The following ABCA1 variants were observed in gnomAD, a reference collection of about 807,000 sequenced individuals.
ABCA1 encodes phospholipid-transporting ATPase ABCA1.
In ABCA1, 133 loss-of-function variants were observed where a neutral mutation model predicts 262.5. The ratio of observed to expected loss-of-function variants is 0.51; its 90% CI spans 0.44 to 0.59. The LOEUF is 0.59. Ranked by LOEUF, ABCA1 falls within the 20% of genes least tolerant of loss-of-function variation. ABCA1 has a pLI of 0.00. For missense variants in ABCA1, 2,452 were observed against 2,777.5 expected (o/e 0.88, Z 2.63); for synonymous variants, 1,022 against 1,043.5 (o/e 0.98, Z 0.40).
chr9:104,830,797 G>T, intron 14 of ABCA1, 128 bp downstream of exon 14: 3 of 1,081,094 alleles, frequency 2.8e-6, no homozygotes, highest in Non-Finnish European at 4.3e-6. Context: ...GGCTGCAACT[G>T]TTGACAACTT....
chr9:104,879,135 C>T (rs538088437), intron 5 of ABCA1, among the ~76,000 whole-genome samples: 5 of 152,110 alleles, frequency 3.3e-5, no homozygotes, highest in African/African-American at 9.6e-5. Context: ...AGGCAGTCTC[C>T]TCCACTAAGA....
At chr9:104,818,093 T>C (rs1286901688) in intron 23 of ABCA1, among the ~76,000 whole-genome samples, 1 of 152,020 alleles carries the variant, frequency 6.6e-6, no homozygotes, top group Non-Finnish European at 1.5e-5. Flanking sequence ...CAAGCCTCAC[T>C]TCCCTCATCT....
At position 104,830,981 on chromosome 9, in the gene ABCA1, C is replaced by G. The variant is rs948751837; in HGVS notation, c.1836G>C (p.Glu612Asp). Reference protein sequence around the residue: ...QAIIRVLTGTEKKTGVYMQQM... With the variant: ...QAIIRVLTGTDKKTGVYMQQM... The stretch of plus-strand genomic sequence containing the variant: ...GTTGCATATAGACACCAGTTTTCTT[C>G]TCGGTGCCCGTCAGCACCCTGATGA... Residue 612 changes from glutamate (E) to aspartate (D), a missense_variant, in exon 14 of 50, where the codon GAG (glutamate) becomes GAC (aspartate). By Grantham distance (45) the Glu-to-Asp change is conservative. This residue lies in a region of ABCA1 where 1,032 missense variants were observed against 1,089.7 expected (regional missense o/e 0.95). Transcript: ENST00000374736. 6.2e-7 allele frequency: 1 copy of G among 1,613,814 alleles called. No individual in the cohort carries two copies.
At chr9:104,793,456 G>C (rs961387854) in intron 40 of ABCA1, among the ~76,000 whole-genome samples, 156 bp from the exon 41 acceptor site, 3 of 151,912 alleles carry the variant, frequency 2.0e-5, no homozygotes, top group African/African-American at 7.3e-5. Flanking sequence ...ACAAGAGAGT[G>C]ATCACTTTCC....
Position 104,812,304 on chromosome 9 carries a change from T to C in ABCA1, c.4050+270A>G, listed in dbSNP as rs191176170. Among the ~76,000 whole-genome samples the C allele has an allele frequency of 3.3e-3, 505 of 152,334 alleles. 6 individuals carry two copies. Among genetic ancestry groups the C allele is most frequent in the Middle Eastern group, 6.8e-3 (2 of 294 alleles). ...AAGCACTTACTAATGTCAGGCCCCATTCTAAGCACCTATTCATTTTTATTT... is the reference window on the plus strand; with the variant it reads ...AAGCACTTACTAATGTCAGGCCCCACTCTAAGCACCTATTCATTTTTATTT... On this transcript the variant is annotated intron_variant, in intron 28 of 49. Coordinates refer to ENST00000374736, the MANE Select transcript of ABCA1 (RefSeq NM_005502.4).
chr9:104,828,813 T>TC, intron 15 of ABCA1, 103 bp downstream of exon 15: 1 of 1,193,826 alleles, frequency 8.4e-7, no homozygotes, highest in Non-Finnish European at 1.2e-6. Context: ...TATGACCCCT[T>TC]CTCTACCAGA....
chr9:104,872,165 T>A (rs181189755), intron 5 of ABCA1, among the ~76,000 whole-genome samples: 6 of 152,340 alleles, frequency 3.9e-5, no homozygotes, highest in South Asian at 2.1e-4. Context: ...TTTTCCAGAA[T>A]CTTTAAGAAC....
At chr9:104,806,837 G>A (rs1033861583) in intron 30 of ABCA1, among the ~76,000 whole-genome samples, 4 of 152,020 alleles carry the variant, frequency 2.6e-5, no homozygotes, top group Admixed American at 2.0e-4. Context: ...TGGAGGAGAC[G>A]AACAACAAAT....
intron 10 of ABCA1, 22 bp from the exon 11 acceptor site, chr9:104,837,118 G>A: frequency 4.4e-6 from 7 of 1,582,796 alleles, no homozygotes; most frequent in Non-Finnish European, 6.0e-6. Context: ...TGGGGAGCCA[G>A]GGACCGCAGA....
chr9:104,787,510 G>T (rs1275073683), intron 46 of ABCA1, among the ~76,000 whole-genome samples: 2 of 152,012 alleles, frequency 1.3e-5, no homozygotes, highest in Non-Finnish European at 2.9e-5. Context: ...AAAGGTCAAG[G>T]GCCACTTCCC....
intron 1 of ABCA1, among the ~76,000 whole-genome samples, chr9:104,908,905 G>A (rs1841330528): frequency 6.6e-6 from 1 of 152,206 alleles, no homozygotes. Flanking sequence ...AGACTGAAAA[G>A]GAGCATGGCA....
chr9:104,908,365 T>C (rs1841296673), intron 1 of ABCA1, among the ~76,000 whole-genome samples: 1 of 152,156 alleles, frequency 6.6e-6, no homozygotes, highest in Non-Finnish European at 1.5e-5. Context: ...GACCATCAAC[T>C]GGTGAATAAA....
chr9:104,814,289 C>T, intron 26 of ABCA1, 58 bp from the exon 27 acceptor site: 1 of 1,584,420 alleles, frequency 6.3e-7, no homozygotes. Flanking sequence ...AACAAACCTT[C>T]CCCATCTGCA....
chr9:104,831,223 T>TA, intron 13 of ABCA1, 122 bp from the exon 14 acceptor site: 1 of 841,996 alleles, frequency 1.2e-6, no homozygotes, highest in Non-Finnish European at 1.7e-6. Context: ...TTTTGTATCT[T>TA]TTTTTTTTTT....
At chr9:104,896,709 A>ATTTT (rs1564270342) in intron 2 of ABCA1, among the ~76,000 whole-genome samples, 20 of 78,288 alleles carry the variant, frequency 2.6e-4, no homozygotes, top group African/African-American at 1.0e-3. Flanking sequence ...CTCCCTACAC[A>ATTTT]TCTTTTTTTT....
At chr9:104,900,714 C>A (rs1193520138) in intron 2 of ABCA1, among the ~76,000 whole-genome samples, 8 of 152,206 alleles carry the variant, frequency 5.3e-5, no homozygotes, top group Admixed American at 3.3e-4. Flanking sequence ...TCCTGACTGA[C>A]CAACTCTGGG....
intron 5 of ABCA1, among the ~76,000 whole-genome samples, chr9:104,864,627 G>C (rs903412882): frequency 6.6e-6 from 1 of 152,058 alleles, no homozygotes; most frequent in African/African-American, 2.4e-5. Flanking sequence ...CAGAATACAC[G>C]TATTAGCTAA....
chr9:104,893,286 G>C (rs1357385889), intron 2 of ABCA1, among the ~76,000 whole-genome samples: 3 of 151,726 alleles, frequency 2.0e-5, no homozygotes, highest in African/African-American at 7.3e-5. Flanking sequence ...GCTGGGCATG[G>C]TGGCGGGAGC....
intron 2 of ABCA1, among the ~76,000 whole-genome samples, chr9:104,896,287 A>G (rs1040419194): frequency 6.6e-6 from 1 of 152,208 alleles, no homozygotes; most frequent in Non-Finnish European, 1.5e-5. Flanking sequence ...ATGGACACAT[A>G]AACAAAAAAA....
Sources: gnomAD v4.1 joint callset for allele counts (sites outside exome capture counted in the v4.1 genomes callset) on GRCh38, gnomAD v4.1.1 for gene constraint, gnomAD v4.1.1 regional missense constraint, MANE v1.5 for transcripts, NCBI Gene and HGNC (gene_info 2026-07-23, HGNC 2026-07-21) for gene names.